Variants in NREP observed in about 807,000 individuals in gnomAD.
NREP encodes neuronal regeneration-related protein.
Under a neutral mutation model 8.6 loss-of-function variants are expected in NREP, and 5 were observed. The observed-to-expected ratio is 0.58, with a 90% CI of 0.30 to 1.22. The LOEUF is 1.22. NREP is among the 50% of genes most tolerant of loss of function. The pLI, the probability that NREP is intolerant of heterozygous loss-of-function variation, is 0.07. For synonymous variants in NREP, 27 were observed against 28.0 expected (o/e 0.96, Z 0.11); for missense variants, 86 against 82.5 (o/e 1.04, Z -0.17).
rs1490906616 is a variant in NREP, at chr5:111,938,043, T to G, written c.135+37231A>C. On this transcript the variant is annotated intron_variant, in intron 2 of 3. Coordinates refer to the NREP transcript ENST00000395634. ...GTCTGCCTCTCTGCCTTGACTCCAT[T>G]CTGGCTCAGCTTTCCCTCAGGGTTT... is the stretch of plus-strand genomic sequence containing the variant. Among the ~76,000 whole-genome samples the G allele has an allele frequency of 3.3e-5, 5 of 152,060 alleles. No individual in the cohort carries two copies. The East Asian group carries it at 9.7e-4, about 29-fold the overall frequency.
At chr5:111,733,832 G>A (rs1181520212) in intron 3 of NREP, 2 of 152,136 alleles carry the variant, frequency 1.3e-5, no homozygotes, top group Non-Finnish European at 2.9e-5. Flanking sequence ...GGGTGGATCA[G>A]CCCTCCCGAC....
chr5:111,967,588 T>G (rs1198667588), intron 2 of NREP, among the ~76,000 whole-genome samples: 1 of 152,198 alleles, frequency 6.6e-6, no homozygotes. Flanking sequence ...GCCAAGGCAT[T>G]AGAAGATCTT....
intron 2 of NREP, among the ~76,000 whole-genome samples, chr5:111,906,203 AC>A (rs1161520446): frequency 6.6e-6 from 1 of 152,084 alleles, no homozygotes; most frequent in Non-Finnish European, 1.5e-5. Context: ...TATCTGTTGC[AC>A]ATCTAGAGTT....
chr5:111,952,216 C>G (rs1171439984), intron 2 of NREP, among the ~76,000 whole-genome samples: 1 of 152,092 alleles, frequency 6.6e-6, no homozygotes, highest in African/African-American at 2.4e-5. Flanking sequence ...ACATGGGACA[C>G]CTGGTCTCCA....
At chr5:111,919,973 ACCCCC>A (rs34120230) in intron 2 of NREP, among the ~76,000 whole-genome samples, 19 of 127,516 alleles carry the variant, frequency 1.5e-4, no homozygotes, top group African/African-American at 2.3e-4. Context: ...TAAAAAGAAT[ACCCCC>A]CCCCCCCACA....
chr5:111,730,811 C>T lies in NREP; in HGVS notation c.*110G>A. ...TTCTCTAAAGCAAGGCTCAGAGTCC[C>T]ATAGTTTCTTCTTATACTTGATGAT... is the stretch of plus-strand genomic sequence containing the variant. On this transcript the variant is annotated 3_prime_UTR_variant, in exon 4 of 4. Transcript: ENST00000257435. The T allele has an allele frequency of 1.6e-6, 2 of 1,258,374 alleles. No homozygotes were observed. Among genetic ancestry groups the T allele is most frequent in the Non-Finnish European group, 2.2e-6 (2 of 905,412 alleles). The allele number at this position is 1,258,374 out of a possible 1,614,324, so 78.0% of individuals were successfully genotyped here.
chr5:111,771,404 G>C (rs1258530516), intron 2 of NREP, among the ~76,000 whole-genome samples: 1 of 150,458 alleles, frequency 6.6e-6, no homozygotes, highest in Non-Finnish European at 1.5e-5. Context: ...AGAACTGCCT[G>C]GTGAGAGGCT....
At chr5:111,823,617 A>G (rs1190272372) in intron 2 of NREP, among the ~76,000 whole-genome samples, 1 of 152,216 alleles carries the variant, frequency 6.6e-6, no homozygotes, top group Non-Finnish European at 1.5e-5. Flanking sequence ...AATATTAACT[A>G]GGATTGTCTA....
chr5:111,778,646 G>A (rs1469872220), intron 2 of NREP, among the ~76,000 whole-genome samples: 1 of 151,724 alleles, frequency 6.6e-6, no homozygotes, highest in Non-Finnish European at 1.5e-5. Flanking sequence ...CTTGGAATGG[G>A]CACATATTTT....
Position 111,753,091 on chromosome 5 carries a change from G to C in NREP, c.3+2679C>G, listed in dbSNP as rs187837249. ...AACACAAAACTGTGGGGGTGGGAGA[G>C]GCATATTTACTAGAAAACAAAAAGT... On this transcript the variant is annotated intron_variant, in intron 2 of 3. Transcript: ENST00000257435. Among the ~76,000 whole-genome samples the C allele has an allele frequency of 2.6e-3, 397 of 151,364 alleles. 2 individuals carry two copies. Among genetic ancestry groups the C allele is most frequent in the African/African-American group, 9.3e-3 (386 of 41,310 alleles).
At chr5:111,798,071 T>A (rs1751913507) in intron 2 of NREP, among the ~76,000 whole-genome samples, 3 of 152,334 alleles carry the variant, frequency 2.0e-5, no homozygotes, top group Admixed American at 2.0e-4. Flanking sequence ...TATTCAGTTT[T>A]TTCCCTAAAT....
At chr5:111,844,679 T>A (rs7720896) in intron 2 of NREP, among the ~76,000 whole-genome samples, 12,596 of 146,258 alleles carry the variant, frequency 0.086, 1,109 homozygotes, top group African/African-American at 0.23. Context: ...ATATATATAT[T>A]ATATATATAT....
intron 2 of NREP, among the ~76,000 whole-genome samples, chr5:111,809,978 C>T (rs944888552): frequency 6.6e-6 from 1 of 150,888 alleles, no homozygotes; most frequent in Non-Finnish European, 1.5e-5. Context: ...TGTGAAGTAG[C>T]CTGGAGTGCA....
chr5:111,923,505 G>C (rs1755302665), intron 2 of NREP, among the ~76,000 whole-genome samples: 1 of 152,194 alleles, frequency 6.6e-6, no homozygotes, highest in African/African-American at 2.4e-5. Context: ...TACTAGTAGA[G>C]TCTGGTATTT....
At chr5:111,957,027 T>C (rs1199523174) in intron 2 of NREP, among the ~76,000 whole-genome samples, 6 of 151,426 alleles carry the variant, frequency 4.0e-5, no homozygotes, top group Non-Finnish European at 7.4e-5. Context: ...TGACATACAG[T>C]AGAGTGATAT....
chr5:111,843,326 C>T (rs186611426), intron 2 of NREP, among the ~76,000 whole-genome samples: 7 of 151,822 alleles, frequency 4.6e-5, no homozygotes, highest in South Asian at 4.2e-4. Flanking sequence ...ATTAAGTTTA[C>T]TGTGGAAGTA....
At chr5:111,852,413 A>T (rs773164040) in intron 2 of NREP, among the ~76,000 whole-genome samples, 1 of 152,130 alleles carries the variant, frequency 6.6e-6, no homozygotes, top group African/African-American at 2.4e-5. Context: ...CGCAGTCTCA[A>T]ATACTGGCAC....
intron 2 of NREP, among the ~76,000 whole-genome samples, chr5:111,860,607 G>T (rs1033526815): frequency 6.6e-6 from 1 of 151,976 alleles, no homozygotes; most frequent in African/African-American, 2.4e-5. Context: ...GCTTCCAGTT[G>T]GTACCCAAAG....
intron 2 of NREP, among the ~76,000 whole-genome samples, chr5:111,807,211 A>T (rs1752163447): frequency 6.6e-6 from 1 of 152,110 alleles, no homozygotes; most frequent in Admixed American, 6.6e-5. Context: ...TTGTTGACTC[A>T]TTGTTAAACT....
Sources: allele counts gnomAD v4.1 joint callset (sites outside exome capture counted in the v4.1 genomes callset), GRCh38; gene constraint gnomAD v4.1.1; transcripts MANE v1.5; gene names NCBI Gene and HGNC (gene_info 2026-07-23, HGNC 2026-07-21).